PUM1: variants seen among roughly 807,000 people sequenced by gnomAD.
PUM1 encodes pumilio RNA binding family member 1.
Under a neutral mutation model 131.8 loss-of-function variants are expected in PUM1, and 13 were observed. The observed-to-expected ratio is 0.10, with a 90% CI of 0.06 to 0.16. The LOEUF (loss-of-function observed/expected upper bound fraction) is 0.16. Ranked by LOEUF, PUM1 falls within the 10% of genes least tolerant of loss-of-function variation. PUM1 has a pLI of 1.00. For synonymous variants in PUM1, 509 were observed against 556.5 expected, an observed-to-expected ratio of 0.91 and a Z score of 1.20; for missense variants, 961 against 1,512.4, an observed-to-expected ratio of 0.64 and a Z score of 6.05.
intron 2 of PUM1, among the ~76,000 whole-genome samples, chr1:31,057,112 G>A (rs1156444069): frequency 6.6e-6 from 1 of 152,060 alleles, no homozygotes. Flanking sequence ...TTCGACTATA[G>A]TAAAGAACTG....
intron 3 of PUM1, among the ~76,000 whole-genome samples, chr1:31,010,131 A>C (rs1310005849): frequency 6.6e-5 from 10 of 152,152 alleles, no homozygotes. Context: ...AAAAAAAGAA[A>C]GCAAAAGACT....
At chr1:30,999,228 G>C (rs1353009170) in intron 5 of PUM1, among the ~76,000 whole-genome samples, 1 of 152,060 alleles carries the variant, frequency 6.6e-6, no homozygotes, top group Non-Finnish European at 1.5e-5. Flanking sequence ...TCAAACACCT[G>C]GCTTCAAGTG....
intron 2 of PUM1, among the ~76,000 whole-genome samples, chr1:31,048,788 C>T (rs35502534): frequency 0.071 from 10,858 of 152,050 alleles, 546 homozygotes; most frequent in South Asian, 0.14. Flanking sequence ...AGGGTAAATT[C>T]TATAACCCAT....
At chr1:30,937,470 A>C (rs1198639696) in intron 20 of PUM1, among the ~76,000 whole-genome samples, 1 of 151,828 alleles carries the variant, frequency 6.6e-6, no homozygotes, top group Non-Finnish European at 1.5e-5. Flanking sequence ...GTGCCACTGC[A>C]CTCCAGCCTG....
chr1:31,062,297 A>T (rs1644384642), intron 1 of PUM1, among the ~76,000 whole-genome samples: 1 of 152,168 alleles, frequency 6.6e-6, no homozygotes, highest in South Asian at 2.1e-4. Context: ...CTTAAGATAG[A>T]ACACTTGCCA....
chr1:31,033,186 T>C (rs531722071), intron 2 of PUM1, among the ~76,000 whole-genome samples: 1 of 151,838 alleles, frequency 6.6e-6, no homozygotes, highest in African/African-American at 2.4e-5. Context: ...ATAAAGGAAG[T>C]TTAGAAGACG....
At chr1:31,018,926 A>G (rs527406514) in intron 3 of PUM1, among the ~76,000 whole-genome samples, 3 of 152,356 alleles carry the variant, frequency 2.0e-5, no homozygotes, top group East Asian at 1.9e-4. Flanking sequence ...GTGTGCATAT[A>G]GTATCAAAAG....
At chr1:30,960,676 A>C (rs980535240) in intron 14 of PUM1, among the ~76,000 whole-genome samples, 4 of 152,226 alleles carry the variant, frequency 2.6e-5, no homozygotes, top group African/African-American at 9.6e-5. Flanking sequence ...AGTTAGGAAT[A>C]AATTTAACAG....
chr1:31,063,251 G>C (rs1644407466), intron 1 of PUM1, among the ~76,000 whole-genome samples: 1 of 152,058 alleles, frequency 6.6e-6, no homozygotes, highest in Non-Finnish European at 1.5e-5. Flanking sequence ...TCCTCATCTA[G>C]AAAATGAAAG....
At chr1:30,953,623 G>A (rs1292473263) in intron 15 of PUM1, 91 bp downstream of exon 15, 1 of 1,379,564 alleles carries the variant, frequency 7.2e-7, no homozygotes, top group African/African-American at 1.5e-5. Context: ...ATTACTATAT[G>A]GCAATTTATT....
At chr1:31,021,603 G>T (rs953973362) in intron 3 of PUM1, among the ~76,000 whole-genome samples, 2 of 151,966 alleles carry the variant, frequency 1.3e-5, no homozygotes, top group African/African-American at 2.4e-5. Flanking sequence ...AAACAAACTG[G>T]GCCATGATTG....
At chr1:30,963,806 C>A (rs754977513) in intron 14 of PUM1, among the ~76,000 whole-genome samples, 3 of 152,172 alleles carry the variant, frequency 2.0e-5, no homozygotes, top group Non-Finnish European at 4.4e-5. Flanking sequence ...CATAGCACCC[C>A]CTTCCACTCA....
chr1:31,022,804 T>C (rs1473750500), intron 3 of PUM1, among the ~76,000 whole-genome samples: 3 of 152,170 alleles, frequency 2.0e-5, no homozygotes, highest in African/African-American at 7.2e-5. Context: ...AAGAACAAGA[T>C]GTCAAAAAAA....
chr1:31,046,114 C>A (rs866034127), intron 2 of PUM1, among the ~76,000 whole-genome samples: 1 of 149,408 alleles, frequency 6.7e-6, no homozygotes, highest in Non-Finnish European at 1.5e-5. Flanking sequence ...GGGCTGGGGG[C>A]GGTAGCTCAC....
At chr1:30,943,443 G>A (rs1167522724) in intron 18 of PUM1, among the ~76,000 whole-genome samples, 1 of 151,852 alleles carries the variant, frequency 6.6e-6, no homozygotes, top group Admixed American at 6.6e-5. Context: ...GTAGAGACGG[G>A]GTTTCACCGT....
chr1:31,056,386 T>C (rs1303592015), intron 2 of PUM1, among the ~76,000 whole-genome samples: 1 of 151,908 alleles, frequency 6.6e-6, no homozygotes, highest in Non-Finnish European at 1.5e-5. Context: ...GTTCAAGCGA[T>C]TCTCCTGCCT....
At chr1:31,026,672 C>T (rs572071094) in intron 3 of PUM1, among the ~76,000 whole-genome samples, 39 of 152,318 alleles carry the variant, frequency 2.6e-4, no homozygotes, top group African/African-American at 8.7e-4. Flanking sequence ...AGAATCCTAT[C>T]ACTTACTAGA....
chr1:31,053,358 T>C (rs1047671787), intron 2 of PUM1, among the ~76,000 whole-genome samples: 1 of 146,652 alleles, frequency 6.8e-6, no homozygotes. Context: ...AAAAAAAAAA[T>C]TTTTTTCATG....
chr1:31,033,246 C>T (rs1643494065), intron 2 of PUM1, among the ~76,000 whole-genome samples: 1 of 151,844 alleles, frequency 6.6e-6, no homozygotes, highest in African/African-American at 2.4e-5. Context: ...TGGCTGTTGC[C>T]CAGGCTGGAG....
Sources: gnomAD v4.1 joint callset for allele counts (sites outside exome capture counted in the v4.1 genomes callset) on GRCh38, gnomAD v4.1.1 for gene constraint, MANE v1.5 for transcripts, NCBI Gene and HGNC (gene_info 2026-07-23, HGNC 2026-07-21) for gene names.